NALCN: variants seen among roughly 807,000 people sequenced by gnomAD.
NALCN encodes sodium leak channel, non-selective, also known as sodium leak channel NALCN.
In NALCN, 111 loss-of-function variants were observed where a neutral mutation model predicts 225.3. The observed-to-expected ratio is 0.49, with a 90% CI of 0.42 to 0.58. NALCN has a LOEUF of 0.58. Among genes scored for constraint, NALCN ranks in the 20% least tolerant of loss-of-function variants. The pLI, the probability that NALCN is intolerant of heterozygous loss-of-function variation, is 0.00. For missense variants in NALCN, 1,378 were observed against 2,202.4 expected, an observed-to-expected ratio of 0.63 and a Z score of 7.49; for synonymous variants, 764 against 769.0, an observed-to-expected ratio of 0.99 and a Z score of 0.11.
chr13:101,090,765 G>A lies in NALCN; in HGVS notation c.3270-799C>T, dbSNP rs576857700. ...GGTACACGTGCAGGCTTGTTACATG[G>A]GTGTATTGCATAATGCTGGGGTTTG... On this transcript the variant is annotated intron_variant, in intron 28 of 43. Transcript: ENST00000251127. Among the ~76,000 whole-genome samples the A allele has an allele frequency of 1.7e-4, 26 of 152,080 alleles. No homozygotes were observed. The South Asian group carries it at 5.4e-3, about 32-fold the overall frequency.
At chr13:101,378,877 A>G (rs1422570783) in intron 3 of NALCN, among the ~76,000 whole-genome samples, 2 of 151,212 alleles carry the variant, frequency 1.3e-5, no homozygotes, top group South Asian at 2.1e-4. Flanking sequence ...TATTTAATTC[A>G]TGCAAAGGGA....
intron 15 of NALCN, among the ~76,000 whole-genome samples, chr13:101,167,266 C>T (rs979271061): frequency 2.0e-5 from 3 of 152,114 alleles, no homozygotes; most frequent in Non-Finnish European, 4.4e-5. Flanking sequence ...TGGAATTTTA[C>T]GAAAGATTGC....
intron 7 of NALCN, among the ~76,000 whole-genome samples, chr13:101,293,820 T>C (rs1254474059): frequency 1.3e-5 from 2 of 152,228 alleles, no homozygotes; most frequent in East Asian, 1.9e-4. Context: ...TATGCATTAA[T>C]GTGTGCTAAT....
intron 10 of NALCN, among the ~76,000 whole-genome samples, chr13:101,270,298 C>T (rs977543885): frequency 1.3e-5 from 2 of 152,182 alleles, no homozygotes; most frequent in Admixed American, 6.5e-5. Flanking sequence ...GGTGACACGA[C>T]GCCATGATGG....
At chr13:101,302,393 T>A (rs2139102394) in intron 7 of NALCN, among the ~76,000 whole-genome samples, 1 of 152,214 alleles carries the variant, frequency 6.6e-6, no homozygotes, top group African/African-American at 2.4e-5. Context: ...AGATTGGAAA[T>A]AAATAATTGA....
Position 101,073,687 on chromosome 13 carries a change from GAAA to G in NALCN, c.4104-13_4104-11del. 1 of 1,595,376 alleles carries G rather than the reference GAAA, an allele frequency of 6.3e-7. No homozygotes were observed. Among genetic ancestry groups the G allele is most frequent in the East Asian group, 2.2e-5 (1 of 44,530 alleles). ...AGAAAAATTTGCATGCCTAATTTAA[GAAA>G]AAAAAATTAACAGAATGTGAATTAT... On this transcript the variant is annotated splice_polypyrimidine_tract_variant and intron_variant, in intron 36 of 43. Coordinates refer to ENST00000251127, the MANE Select transcript of NALCN (RefSeq NM_052867.4).
At chr13:101,160,703 C>T (rs536906694) in intron 15 of NALCN, among the ~76,000 whole-genome samples, 28 of 151,900 alleles carry the variant, frequency 1.8e-4, no homozygotes, top group African/African-American at 6.5e-4. Context: ...TTATAAATTG[C>T]CTTATGGTAC....
At chr13:101,119,931 T>C (rs1300273138) in intron 18 of NALCN, among the ~76,000 whole-genome samples, 1 of 152,212 alleles carries the variant, frequency 6.6e-6, no homozygotes, top group African/African-American at 2.4e-5. Flanking sequence ...GCCCACTTTT[T>C]TTTTTCTCAT....
chr13:101,128,589 T>G (rs1215178545), intron 17 of NALCN, among the ~76,000 whole-genome samples: 1 of 152,122 alleles, frequency 6.6e-6, no homozygotes, highest in African/African-American at 2.4e-5. Flanking sequence ...GGTTTCGTTC[T>G]GTCACCCAGG....
At chr13:101,181,277 G>A (rs574947488) in intron 14 of NALCN, 5 of 518,992 alleles carry the variant, frequency 9.6e-6, no homozygotes, top group African/African-American at 3.8e-5. Flanking sequence ...GGAGGCTGGA[G>A]AGGAAGGCAG....
Position 101,376,976 on chromosome 13 carries a change from T to G in NALCN, c.456A>C (p.Arg152=), listed in dbSNP as rs541805303. ...LRIPRPLIMI[R]AFRIYFRFEL... ...CAAATCGGAAATAAATCCGGAATGC[T>G]CGGATCATAATCAGTGGCCGTGGAA... Residue 152 remains arginine, a synonymous_variant, in exon 5 of 44, where the codon CGA becomes CGC. Coordinates refer to ENST00000251127, the MANE Select transcript of NALCN (RefSeq NM_052867.4). 1.4e-5 allele frequency: 23 copies of G among 1,614,198 alleles called. No homozygotes were observed. The highest frequency in any genetic ancestry group is 1.8e-5 in the Non-Finnish European group (21 of 1,180,032).
At chr13:101,364,553 T>C (rs2046331305) in intron 6 of NALCN, among the ~76,000 whole-genome samples, 1 of 152,030 alleles carries the variant, frequency 6.6e-6, no homozygotes, top group Non-Finnish European at 1.5e-5. Context: ...AGATAGAAAG[T>C]AGATTGGTTG....
chr13:101,185,666 T>C (rs777406992), intron 14 of NALCN, among the ~76,000 whole-genome samples: 5 of 152,272 alleles, frequency 3.3e-5, no homozygotes, highest in Non-Finnish European at 7.3e-5. Flanking sequence ...ATTTGCTATA[T>C]ACTTCAGCTT....
At chr13:101,338,656 T>C (rs1382771899) in intron 7 of NALCN, among the ~76,000 whole-genome samples, 2 of 152,216 alleles carry the variant, frequency 1.3e-5, no homozygotes, top group South Asian at 2.1e-4. Flanking sequence ...ATATGGTATA[T>C]TTTGTGTTGC....
At chr13:101,098,816 C>G (rs1053616616) in intron 27 of NALCN, among the ~76,000 whole-genome samples, 1 of 150,052 alleles carries the variant, frequency 6.7e-6, no homozygotes, top group Admixed American at 6.7e-5. Flanking sequence ...TTTGAGAAGA[C>G]AAAAAGACTC....
chr13:101,199,501 G>C (rs574477144), intron 13 of NALCN, among the ~76,000 whole-genome samples: 2 of 151,706 alleles, frequency 1.3e-5, no homozygotes, highest in East Asian at 2.0e-4. Context: ...CCTTTGTAGG[G>C]ACATGGATGA....
intron 17 of NALCN, among the ~76,000 whole-genome samples, chr13:101,135,438 G>T (rs1430499930): frequency 6.6e-6 from 1 of 152,096 alleles, no homozygotes; most frequent in South Asian, 2.1e-4. Flanking sequence ...TCGCTGTATC[G>T]CCCAAGCTGG....
intron 15 of NALCN, among the ~76,000 whole-genome samples, chr13:101,149,127 G>A (rs988787450): frequency 2.0e-5 from 3 of 151,944 alleles, no homozygotes; most frequent in South Asian, 2.1e-4. Flanking sequence ...CCCCGTCTCT[G>A]CTAAAAATAC....
chr13:101,082,245 T>A (rs1232082794), intron 33 of NALCN, among the ~76,000 whole-genome samples: 2 of 152,204 alleles, frequency 1.3e-5, no homozygotes, highest in African/African-American at 4.8e-5. Flanking sequence ...TACCAAGATA[T>A]ATGATTTTAT....
Sources: gnomAD v4.1 joint callset for allele counts (sites outside exome capture counted in the v4.1 genomes callset) on GRCh38, gnomAD v4.1.1 for gene constraint, MANE v1.5 for transcripts, NCBI Gene and HGNC (gene_info 2026-07-23, HGNC 2026-07-21) for gene names.